IGF2R: variants seen among roughly 807,000 people sequenced by gnomAD.
IGF2R encodes insulin like growth factor 2 receptor, also known as cation-independent mannose-6-phosphate receptor.
In IGF2R, 91 loss-of-function variants were observed where a neutral mutation model predicts 270.6. The ratio of observed to expected loss-of-function variants is 0.34; its 90% CI spans 0.28 to 0.40. IGF2R has a LOEUF of 0.40. IGF2R is among the 10% of genes least tolerant of loss of function. The pLI is 1.00. For synonymous variants in IGF2R, 1,316 were observed against 1,258.9 expected (o/e 1.05, Z -0.96); for missense variants, 2,805 against 3,188.3 (o/e 0.88, Z 2.90).
At chr6:160,082,468 C>T (rs1779004462) in intron 39 of IGF2R, among the ~76,000 whole-genome samples, 1 of 152,158 alleles carries the variant, frequency 6.6e-6, no homozygotes, top group Non-Finnish European at 1.5e-5. Context: ...CGCCACCTCA[C>T]CCAGCTAATT....
At chr6:160,010,205 T>G (rs1478298743) in intron 3 of IGF2R, 1 of 154,816 alleles carries the variant, frequency 6.5e-6, no homozygotes, top group Non-Finnish European at 1.4e-5. Context: ...TTGACCTGTT[T>G]GTAGTCCACT....
intron 10 of IGF2R, among the ~76,000 whole-genome samples, chr6:160,036,469 G>A (rs1777827195): frequency 6.6e-6 from 1 of 152,140 alleles, no homozygotes; most frequent in East Asian, 1.9e-4. Flanking sequence ...GACTCCGGCT[G>A]GCTCAGGCTG....
intron 2 of IGF2R, among the ~76,000 whole-genome samples, chr6:160,007,833 G>A (rs1284105169): frequency 6.6e-6 from 1 of 152,082 alleles, no homozygotes. Context: ...GCTGTTTTTT[G>A]ATGAGTATAA....
intron 45 of IGF2R, among the ~76,000 whole-genome samples, chr6:160,100,252 C>G (rs1416197707): frequency 6.6e-6 from 1 of 151,678 alleles, no homozygotes; most frequent in East Asian, 1.9e-4. Context: ...AGGGAACATG[C>G]CTAAAACAAG....
At chr6:159,991,351 A>G (rs1783976754) in intron 2 of IGF2R, 28 bp downstream of exon 2, 1 of 1,598,338 alleles carries the variant, frequency 6.3e-7, no homozygotes, top group African/African-American at 1.3e-5. Flanking sequence ...AAATTACTGG[A>G]TTGGCAATAT....
intron 1 of IGF2R, among the ~76,000 whole-genome samples, chr6:159,979,156 G>C (rs772867525): frequency 5.3e-5 from 8 of 152,200 alleles, no homozygotes; most frequent in Admixed American, 1.3e-4. Context: ...CTTCAGAGCG[G>C]ACCCACCATT....
At chr6:160,033,176 G>A (rs748962575) in intron 9 of IGF2R, 69 bp downstream of exon 9, 33 of 1,169,278 alleles carry the variant, frequency 2.8e-5, no homozygotes, top group Middle Eastern at 2.0e-4. Context: ...GCACTCTGGC[G>A]CCCAGGCTAG....
At chr6:160,074,023 A>C (rs8191890) in intron 35 of IGF2R, 48 bp downstream of exon 35, 163,875 of 1,372,112 alleles carry the variant, frequency 0.12, 10,509 homozygotes, top group East Asian at 0.16. Context: ...CAAGACTTTT[A>C]GTGATAACCT....
At chr6:160,065,767 C>G (rs1778556699) in intron 29 of IGF2R, among the ~76,000 whole-genome samples, 1 of 124,644 alleles carries the variant, frequency 8.0e-6, no homozygotes, top group South Asian at 2.6e-4. Context: ...AAGCATTTTT[C>G]CTAGAGATAT....
chr6:160,081,344 G>T (rs930000573), intron 39 of IGF2R, among the ~76,000 whole-genome samples: 40 of 152,232 alleles, frequency 2.6e-4, no homozygotes, highest in African/African-American at 9.1e-4. Context: ...CGCAAAACCA[G>T]CAAGTTTTTA....
rs1488224425 is a variant in IGF2R at position 160,104,712 on chromosome 6, G to A, written c.7104G>A (p.Glu2368=). 1 of 1,613,900 alleles carries A rather than the reference G, an allele frequency of 6.2e-7. No homozygotes were observed. The highest frequency in any genetic ancestry group is 1.7e-5 in the Admixed American group (1 of 59,992). ...KEEETDENET[E]WLMEEIQLPP... is the part of the protein sequence containing the mutation. ...AAGAGACAGATGAGAATGAAACAGA[G>A]TGGCTGATGGAAGAGATCCAGCTGC... Residue 2368 remains glutamate, a synonymous_variant, in exon 48 of 48, where the codon GAG becomes GAA. Transcript: ENST00000356956.
chr6:160,009,152 C>G lies in IGF2R; in HGVS notation c.414+18C>G, dbSNP rs754742810. 1.9e-6 allele frequency: 3 copies of G among 1,598,356 alleles called. No homozygotes were observed. The South Asian group carries it at 3.4e-5, about 18-fold the overall frequency. On this transcript the variant is annotated intron_variant, in intron 3 of 47. Coordinates refer to ENST00000356956, the MANE Select transcript of IGF2R (RefSeq NM_000876.4). ...AAACCCTGGTGAGTCCACACAGGCA[C>G]TTGATGTATTTCTTTAAAAAAAAAA...
At chr6:160,025,374 A>G (rs1777537542) in intron 5 of IGF2R, among the ~76,000 whole-genome samples, 1 of 152,362 alleles carries the variant, frequency 6.6e-6, no homozygotes, top group Non-Finnish European at 1.5e-5. Flanking sequence ...AGTGCTAGCC[A>G]TGAGTAAATT....
chr6:160,048,794 A>G (rs1778128497), intron 18 of IGF2R, among the ~76,000 whole-genome samples: 1 of 152,240 alleles, frequency 6.6e-6, no homozygotes, highest in South Asian at 2.1e-4. Flanking sequence ...CAGAGGAAGC[A>G]CCGAATGGTT....
At chr6:160,085,529 G>A (rs1779081737) in intron 41 of IGF2R, among the ~76,000 whole-genome samples, 1 of 152,214 alleles carries the variant, frequency 6.6e-6, no homozygotes, top group African/African-American at 2.4e-5. Context: ...TAGTTCAGAG[G>A]TACATCTTTG....
intron 1 of IGF2R, among the ~76,000 whole-genome samples, chr6:159,990,670 A>G (rs917797315): frequency 5.3e-5 from 8 of 151,596 alleles, no homozygotes; most frequent in African/African-American, 1.9e-4. Flanking sequence ...CGCACTGTTG[A>G]CCGAGCTGGA....
intron 31 of IGF2R, among the ~76,000 whole-genome samples, chr6:160,071,024 G>A (rs1250245699): frequency 6.6e-6 from 1 of 152,184 alleles, no homozygotes; most frequent in Non-Finnish European, 1.5e-5. Context: ...GGTGTGTGGG[G>A]CCCCTGTGCC....
At chr6:160,031,468 G>A (rs950219026) in intron 7 of IGF2R, among the ~76,000 whole-genome samples, 4 of 151,640 alleles carry the variant, frequency 2.6e-5, no homozygotes, top group African/African-American at 9.7e-5. Flanking sequence ...CTGCCCATTA[G>A]CAGTCTCTTC....
At position 159,991,339 on chromosome 6, in the gene IGF2R, T is replaced by G. The variant is rs1232771340; in HGVS notation, c.289+16T>G. The G allele has an allele frequency of 6.2e-7, 1 of 1,603,670 alleles. No individual in the cohort carries two copies. The highest frequency in any genetic ancestry group is 8.5e-7 in the Non-Finnish European group (1 of 1,174,394). On this transcript the variant is annotated intron_variant, in intron 2 of 47. Coordinates refer to ENST00000356956, the MANE Select transcript of IGF2R (RefSeq NM_000876.4). The stretch of plus-strand genomic sequence containing the variant: ...CATTCAGTGGGTAAGTAGAACTACC[T>G]GAAATTACTGGATTGGCAATATGAT...
Sources: allele counts gnomAD v4.1 joint callset (sites outside exome capture counted in the v4.1 genomes callset), GRCh38; gene constraint gnomAD v4.1.1; transcripts MANE v1.5; gene names NCBI Gene and HGNC (gene_info 2026-07-23, HGNC 2026-07-21).